DIO2: variants seen among roughly 807,000 people sequenced by gnomAD.
DIO2 encodes type II iodothyronine deiodinase.
Under a neutral mutation model 21.4 loss-of-function variants are expected in DIO2, and 19 were observed. The ratio of observed to expected loss-of-function variants is 0.89; its 90% CI spans 0.62 to 1.30. DIO2 has a LOEUF of 1.30. Ranked by LOEUF, DIO2 falls within the 50% of genes most tolerant of loss-of-function variation. The pLI, the probability that DIO2 is intolerant of heterozygous loss-of-function variation, is 0.00. For synonymous variants in DIO2, 122 were observed against 132.9 expected (o/e 0.92, Z 0.57); for missense variants, 302 against 338.1 (o/e 0.89, Z 0.84).
rs1056775880 is a variant in DIO2, at chr14:80,202,286, A to T, written c.*403T>A. On this transcript the variant is annotated 3_prime_UTR_variant, in exon 2 of 2. Transcript: ENST00000438257. ...ACTGGGCTCCATCCATGCCAAATAGAGCCAAGGCAATACCCTTTATCTTAA... is the reference window on the plus strand; with the variant it reads ...ACTGGGCTCCATCCATGCCAAATAGTGCCAAGGCAATACCCTTTATCTTAA... 1 of 521,572 alleles carries T rather than the reference A, an allele frequency of 1.9e-6. No homozygotes were observed. The highest frequency in any genetic ancestry group is 3.8e-6 in the Non-Finnish European group (1 of 262,208). The allele number at this position is 521,572 out of a possible 1,614,324, so 32.3% of individuals were successfully genotyped here. A position where few individuals can be genotyped will look rare whatever the true frequency, so the allele number is the denominator to read the frequency against.
upstream of DIO2, among the ~76,000 whole-genome samples, chr14:80,214,233 A>G (rs1364034447): frequency 6.6e-6 from 1 of 152,160 alleles, no homozygotes; most frequent in Non-Finnish European, 1.5e-5. Flanking sequence ...CCTTCATTCT[A>G]CCTTGATTGA....
At chr14:80,212,827 T>C (rs1425045285), upstream of DIO2, among the ~76,000 whole-genome samples, 1 of 151,728 alleles carries the variant, frequency 6.6e-6, no homozygotes, top group East Asian at 1.9e-4. Flanking sequence ...TTCTTTTTAG[T>C]TTTACCCAAG....
rs762713446 is a variant in DIO2, at chr14:80,205,169, C to A, written c.223-1881G>T. On this transcript the variant is annotated intron_variant, in intron 1 of 1. Coordinates refer to ENST00000438257, the MANE Select transcript of DIO2 (RefSeq NM_013989.5). ...AAGATATGTTGAAGGTATTATTAACCTTTTAAGCCGTGAGTTCTTTTTGTA... is the reference window on the plus strand; with the variant it reads ...AAGATATGTTGAAGGTATTATTAACATTTTAAGCCGTGAGTTCTTTTTGTA... Among the ~76,000 whole-genome samples the A allele has an allele frequency of 4.6e-5, 7 of 152,090 alleles. 1 individual carries two copies.
At position 80,200,026 on chromosome 14, in the gene DIO2, A is replaced by G. The variant is rs1242685812; in HGVS notation, c.*2663T>C. The G allele has an allele frequency of 2.0e-5, 3 of 152,642 alleles. No homozygotes were observed. The highest frequency in any genetic ancestry group is 1.9e-4 in the East Asian group (1 of 5,202). 9.5% of individuals were successfully genotyped at this position (152,642 alleles called of 1,614,324 possible). A position where few individuals can be genotyped will look rare whatever the true frequency, so the allele number is the denominator to read the frequency against. On this transcript the variant is annotated 3_prime_UTR_variant, in exon 2 of 2. Coordinates refer to ENST00000438257, the MANE Select transcript of DIO2 (RefSeq NM_013989.5). ...AGCATTGATTTTCCTCTACCTCAAA[A>G]TAATGAGTTCTTGTTAATTTCATAA...
At chr14:80,224,493 T>C (rs1888529813) in intron 2 of DIO2, among the ~76,000 whole-genome samples, 1 of 45,344 alleles carries the variant, frequency 2.2e-5, no homozygotes, top group Non-Finnish European at 5.8e-5. Flanking sequence ...GGTAGAGAGA[T>C]ACTACACACA....
At chr14:80,226,643 T>C (rs547105883) in intron 2 of DIO2, among the ~76,000 whole-genome samples, 4 of 152,328 alleles carry the variant, frequency 2.6e-5, no homozygotes, top group African/African-American at 9.6e-5. Flanking sequence ...GCAATGGCTA[T>C]AGCCAGGTCA....
intron 1 of DIO2, among the ~76,000 whole-genome samples, chr14:80,204,775 G>A (rs1045827249): frequency 1.3e-5 from 2 of 152,052 alleles, no homozygotes; most frequent in African/African-American, 2.4e-5. Context: ...ACCCACTCAA[G>A]GGCTTTTATT....
At position 80,203,198 on chromosome 14, in the gene DIO2, TCTC is replaced by T; in HGVS notation, c.310_312del (p.Glu104del). On this transcript the variant is annotated inframe_deletion, in exon 2 of 2. Transcript: ENST00000438257. ...TGGCATGTGGCTCCCTCAGCTATCTTCTCCTGGGTACCATTGCCACTGTTGTCA... is the reference window on the plus strand; with the variant it reads ...TGGCATGTGGCTCCCTCAGCTATCTTCTGGGTACCATTGCCACTGTTGTCA... The T allele has an allele frequency of 1.2e-6, 2 of 1,609,872 alleles. No homozygotes were observed. Among genetic ancestry groups the T allele is most frequent in the East Asian group, 2.2e-5 (1 of 44,758 alleles).
rs1491496 is a variant in DIO2, at chr14:80,198,694, C to G, written c.*3995G>C. 7.2e-6 allele frequency: 1 copy of G among 138,690 alleles called. No homozygotes were observed. Among genetic ancestry groups the G allele is most frequent in the Non-Finnish European group, 1.5e-5 (1 of 65,674 alleles). 8.6% of individuals were successfully genotyped at this position (138,690 alleles called of 1,614,324 possible). On this transcript the variant is annotated 3_prime_UTR_variant, in exon 2 of 2. Transcript: ENST00000438257. ...CATATATGAAGAGTGGGTTTGGATTCTATTTTTAGAGTGAAGGAGGAAGTT... is the reference window on the plus strand; with the variant it reads ...CATATATGAAGAGTGGGTTTGGATTGTATTTTTAGAGTGAAGGAGGAAGTT...
At position 80,202,278 on chromosome 14, in the gene DIO2, C is replaced by A; in HGVS notation, c.*411G>T. ...ATTTTCCAACTGGGCTCCATCCATG[C>A]CAAATAGAGCCAAGGCAATACCCTT... On this transcript the variant is annotated 3_prime_UTR_variant, in exon 2 of 2. Transcript: ENST00000438257. The A allele has an allele frequency of 1.9e-6, 1 of 519,078 alleles. No homozygotes were observed. Among genetic ancestry groups the A allele is most frequent in the Non-Finnish European group, 3.8e-6 (1 of 261,036 alleles). The allele number at this position is 519,078 out of a possible 1,614,324, so 32.2% of individuals were successfully genotyped here.
upstream of DIO2, among the ~76,000 whole-genome samples, chr14:80,216,310 CTAA>C (rs1407718169): frequency 6.6e-6 from 1 of 152,222 alleles, no homozygotes; most frequent in Non-Finnish European, 1.5e-5. Context: ...CCAGTTAATG[CTAA>C]TTGTGGCGAT....
intron 2 of DIO2, among the ~76,000 whole-genome samples, chr14:80,221,804 G>A (rs1888471540): frequency 6.6e-6 from 1 of 152,120 alleles, no homozygotes; most frequent in Non-Finnish European, 1.5e-5. Context: ...AAACTTCTTA[G>A]TGCAACTCAT....
intron 2 of DIO2, among the ~76,000 whole-genome samples, chr14:80,226,566 AC>A (rs1888580714): frequency 6.6e-6 from 1 of 152,148 alleles, no homozygotes; most frequent in Non-Finnish European, 1.5e-5. Flanking sequence ...CTGGCTGATC[AC>A]CCCAAGGAAT....
chr14:80,215,492 C>G (rs1450536221), upstream of DIO2, among the ~76,000 whole-genome samples: 2 of 152,124 alleles, frequency 1.3e-5, no homozygotes, highest in African/African-American at 4.8e-5. Flanking sequence ...TTTGAAAGAG[C>G]AGAAGAGCAT....
chr14:80,216,777 T>C (rs1467517599), intron 2 of DIO2: 1 of 151,938 alleles, frequency 6.6e-6, no homozygotes, highest in East Asian at 1.9e-4. Flanking sequence ...CAAAGGAAAA[T>C]GGTCAAAAAA....
intron 1 of DIO2, chr14:80,206,342 A>C: frequency 6.7e-7 from 1 of 1,500,306 alleles, no homozygotes; most frequent in Non-Finnish European, 8.9e-7. Context: ...AATTTAGCTA[A>C]AATAAAGAAA....
In DIO2 at chr14:80,203,036, C is replaced by T. The variant is rs1265423095; in HGVS notation, c.475G>A (p.Val159Ile). 2.5e-6 allele frequency: 4 copies of T among 1,613,872 alleles called. No individual in the cohort carries two copies. Among genetic ancestry groups the T allele is most frequent in the Middle Eastern group, 1.6e-4 (1 of 6,062 alleles). ...GATGGATGAGCCTCATCAATGTAGA[C>T]CAGCAGGAAGTCAGCCACTGAGGAG... ...EFSSVADFLLVYIDEAHPSDG... is the reference protein window; with the variant it reads ...EFSSVADFLLIYIDEAHPSDG... The change falls in exon 2 of 2, where the codon GTC becomes ATC. Residue 159 changes from valine (V) to isoleucine (I), a missense_variant. Val to Ile is a conservative substitution (Grantham distance 29). Transcript: ENST00000438257.
chr14:80,227,024 C>T (rs768858035), intron 2 of DIO2, among the ~76,000 whole-genome samples: 1 of 152,214 alleles, frequency 6.6e-6, no homozygotes, highest in Non-Finnish European at 1.5e-5. Flanking sequence ...ACACATCTGG[C>T]CATTTCTCCT....
intron 2 of DIO2, among the ~76,000 whole-genome samples, chr14:80,225,381 T>C (rs1349574239): frequency 6.6e-6 from 1 of 152,006 alleles, no homozygotes; most frequent in Non-Finnish European, 1.5e-5. Context: ...CACACACCAA[T>C]CCCAAACCAA....
Sources: gnomAD v4.1 joint callset for allele counts (sites outside exome capture counted in the v4.1 genomes callset) on GRCh38, gnomAD v4.1.1 for gene constraint, MANE v1.5 for transcripts, NCBI Gene and HGNC (gene_info 2026-07-23, HGNC 2026-07-21) for gene names.